CSMD1: variants seen among roughly 807,000 people sequenced by gnomAD.
CSMD1 encodes CUB and Sushi multiple domains 1, also known as CUB and sushi domain-containing protein 1.
In CSMD1, 213 loss-of-function variants were observed where a neutral mutation model predicts 417.5. The ratio of observed to expected loss-of-function variants is 0.51; its 90% CI spans 0.46 to 0.57. The LOEUF (loss-of-function observed/expected upper bound fraction) is 0.57, where lower values mean the gene tolerates loss of function less well. Ranked by LOEUF, CSMD1 falls within the 20% of genes least tolerant of loss-of-function variation. The pLI, the probability that CSMD1 is intolerant of heterozygous loss-of-function variation, is 0.00. For synonymous variants in CSMD1, 2,862 were observed against 1,736.8 expected (o/e 1.65, Z -16.11); for missense variants, 6,923 against 4,529.7 (o/e 1.53, Z -15.17).
chr8:3,423,464 G>T (rs1274324510), intron 12 of CSMD1, among the ~76,000 whole-genome samples: 1 of 152,190 alleles, frequency 6.6e-6, no homozygotes, highest in Non-Finnish European at 1.5e-5. Context: ...TTCACTGAGT[G>T]TAATGATTCT....
At chr8:3,444,027 G>A (rs966735003) in intron 12 of CSMD1, among the ~76,000 whole-genome samples, 3 of 152,112 alleles carry the variant, frequency 2.0e-5, no homozygotes, top group African/African-American at 7.2e-5. Context: ...AGTGCTGAAT[G>A]TGAATCAGGC....
intron 1 of CSMD1, among the ~76,000 whole-genome samples, chr8:4,799,322 A>C (rs1798152577): frequency 2.0e-5 from 3 of 152,206 alleles, no homozygotes; most frequent in Admixed American, 6.5e-5. Context: ...TTTAATTTAT[A>C]ATCAAAGACA....
intron 26 of CSMD1, among the ~76,000 whole-genome samples, chr8:3,234,655 G>T (rs1356825095): frequency 6.6e-6 from 1 of 152,178 alleles, no homozygotes; most frequent in Non-Finnish European, 1.5e-5. Context: ...TCCAAGAGAA[G>T]CCTGGGAGAG....
intron 9 of CSMD1, among the ~76,000 whole-genome samples, chr8:3,580,246 T>C (rs905074717): frequency 1.3e-5 from 2 of 152,146 alleles, no homozygotes; most frequent in Non-Finnish European, 2.9e-5. Flanking sequence ...GGACATATAA[T>C]GTCAGAAGGA....
intron 5 of CSMD1, among the ~76,000 whole-genome samples, chr8:3,905,003 T>C (rs1057215940): frequency 5.9e-5 from 9 of 152,130 alleles, no homozygotes; most frequent in African/African-American, 1.7e-4. Context: ...GTTACAAATA[T>C]AGAATACTCT....
chr8:3,042,735 T>C (rs1811186248), intron 50 of CSMD1, among the ~76,000 whole-genome samples: 1 of 152,174 alleles, frequency 6.6e-6, no homozygotes, highest in South Asian at 2.1e-4. Context: ...ATTTAACTCG[T>C]GTAAAATGAT....
intron 3 of CSMD1, among the ~76,000 whole-genome samples, chr8:4,166,968 G>C (rs960702385): frequency 1.1e-4 from 16 of 152,222 alleles, no homozygotes; most frequent in Admixed American, 9.8e-4. Flanking sequence ...ACATGCTGAA[G>C]GCACTGTGCT....
At chr8:4,933,846 T>C (rs778571022) in intron 1 of CSMD1, among the ~76,000 whole-genome samples, 9 of 152,200 alleles carry the variant, frequency 5.9e-5, no homozygotes, top group African/African-American at 2.2e-4. Context: ...ATTTGTACTA[T>C]AGATATTTAC....
intron 12 of CSMD1, among the ~76,000 whole-genome samples, chr8:3,415,706 T>C (rs995261301): frequency 6.6e-6 from 1 of 152,194 alleles, no homozygotes; most frequent in Non-Finnish European, 1.5e-5. Flanking sequence ...GTTGTATTTA[T>C]ATGAAGATTT....
intron 3 of CSMD1, among the ~76,000 whole-genome samples, chr8:4,375,907 G>C (rs979439944): frequency 3.9e-5 from 6 of 152,084 alleles, no homozygotes; most frequent in African/African-American, 1.4e-4. Context: ...TTCAGGATAC[G>C]GCCACCACCT....
At chr8:4,888,534 G>C (rs892329903) in intron 1 of CSMD1, among the ~76,000 whole-genome samples, 2 of 151,934 alleles carry the variant, frequency 1.3e-5, no homozygotes, top group Non-Finnish European at 2.9e-5. Context: ...AGAGAGGTAT[G>C]TGTGTGTTTA....
chr8:3,965,729 T>C (rs1812639402), intron 5 of CSMD1, among the ~76,000 whole-genome samples: 1 of 152,174 alleles, frequency 6.6e-6, no homozygotes, highest in African/African-American at 2.4e-5. Context: ...GAGATTCTCC[T>C]GCCTCAGCCT....
chr8:3,976,799 G>A (rs143808879), intron 5 of CSMD1, among the ~76,000 whole-genome samples: 393 of 152,222 alleles, frequency 2.6e-3, no homozygotes, highest in African/African-American at 8.8e-3. Context: ...GCTCAAGGTC[G>A]CATGCCTGTA....
chr8:4,285,084 G>C (rs1322514154), intron 3 of CSMD1, among the ~76,000 whole-genome samples: 2 of 152,152 alleles, frequency 1.3e-5, no homozygotes, highest in Non-Finnish European at 1.5e-5. Context: ...TAGTGTGTAG[G>C]AAAGTTTTGC....
intron 3 of CSMD1, among the ~76,000 whole-genome samples, chr8:4,065,725 A>G (rs371000126): frequency 8.6e-4 from 131 of 152,348 alleles, no homozygotes; most frequent in African/African-American, 3.0e-3. Flanking sequence ...GGTTATGTAA[A>G]CATAGGCTCT....
At chr8:3,551,801 G>C (rs1386132663) in intron 10 of CSMD1, among the ~76,000 whole-genome samples, 2 of 152,072 alleles carry the variant, frequency 1.3e-5, no homozygotes, top group Admixed American at 6.5e-5. Context: ...ATCATGCTGA[G>C]TGTGACATGC....
intron 12 of CSMD1, among the ~76,000 whole-genome samples, chr8:3,464,101 G>A (rs543938396): frequency 1.3e-5 from 2 of 152,344 alleles, no homozygotes; most frequent in Admixed American, 6.5e-5. Context: ...ACAGGAAACA[G>A]TTCCTTTAAT....
chr8:4,022,686 A>T (rs1038947602), intron 4 of CSMD1, among the ~76,000 whole-genome samples: 1 of 152,180 alleles, frequency 6.6e-6, no homozygotes, highest in South Asian at 2.1e-4. Context: ...GGGGGAAATG[A>T]AGGCAAGTGG....
intron 10 of CSMD1, among the ~76,000 whole-genome samples, chr8:3,503,409 G>C (rs550810323): frequency 6.6e-6 from 1 of 152,356 alleles, no homozygotes; most frequent in South Asian, 2.1e-4. Flanking sequence ...TAGTGATTCA[G>C]GGTGGGAAAT....
Sources: gnomAD v4.1 joint callset for allele counts (sites outside exome capture counted in the v4.1 genomes callset) on GRCh38, gnomAD v4.1.1 for gene constraint, MANE v1.5 for transcripts, NCBI Gene and HGNC (gene_info 2026-07-23, HGNC 2026-07-21) for gene names.